Variants in SCYL2 observed in about 807,000 individuals in gnomAD.
SCYL2 encodes the protein SCY1-like protein 2.
SCYL2 carries 36 observed loss-of-function variants against 100.4 expected under a neutral mutation model. The ratio of observed to expected loss-of-function variants is 0.36; its 90% CI spans 0.27 to 0.47. The LOEUF is 0.47. Ranked by LOEUF, SCYL2 falls within the 20% of genes least tolerant of loss-of-function variation. SCYL2 has a pLI of 1.00. For missense variants in SCYL2, 902 were observed against 1,083.9 expected (o/e 0.83, Z 2.36); for synonymous variants, 330 against 359.2 (o/e 0.92, Z 0.92).
At chr12:100,323,036 A>G in intron 10 of SCYL2, among the ~76,000 whole-genome samples, 1 of 151,844 alleles carries the variant, frequency 6.6e-6, no homozygotes, top group East Asian at 1.9e-4. Flanking sequence ...TCAAGAAAAA[A>G]AAAAAAAAAA....
rs1325128705 is a variant in SCYL2 at position 100,340,837 on chromosome 12, T to TA, written c.*1666dup. 1 of 152,098 alleles carries TA rather than the reference T, an allele frequency of 6.6e-6. No individual in the cohort carries two copies. Among genetic ancestry groups the TA allele is most frequent in the African/African-American group, 2.4e-5 (1 of 41,438 alleles). The allele number at this position is 152,098 out of a possible 1,614,324, so 9.4% of individuals were successfully genotyped here. A position where few individuals can be genotyped will look rare whatever the true frequency, so the allele number is the denominator to read the frequency against. ...AGGAAGATCAAATGTTTTTGTCAAATATATTCACAACTTGACCAGATTAGC... is the reference window on the plus strand; with the variant it reads ...AGGAAGATCAAATGTTTTTGTCAAATAATATTCACAACTTGACCAGATTAGC... On this transcript the variant is annotated 3_prime_UTR_variant, in exon 18 of 18. Coordinates refer to ENST00000360820, the MANE Select transcript of SCYL2 (RefSeq NM_017988.6).
At chr12:100,269,830 T>A (rs1394386007) in intron 1 of SCYL2, among the ~76,000 whole-genome samples, 1 of 152,166 alleles carries the variant, frequency 6.6e-6, no homozygotes, top group Non-Finnish European at 1.5e-5. Context: ...CCTTTATAGG[T>A]TCCGATTCCA....
In SCYL2 at chr12:100,341,408, A is replaced by G. The variant is rs578102136; in HGVS notation, c.*2236A>G. On this transcript the variant is annotated 3_prime_UTR_variant, in exon 18 of 18. Transcript: ENST00000360820. The stretch of plus-strand genomic sequence containing the variant: ...TTTAGGTTAAAGAGCATCTGTCAAC[A>G]GAATCTACAAAAAAGATTCCCTTGC... The G allele has an allele frequency of 2.7e-4, 41 of 152,306 alleles. No homozygotes were observed. The South Asian group carries it at 8.3e-3, about 31-fold the overall frequency. The allele number at this position is 152,306 out of a possible 1,614,324, so 9.4% of individuals were successfully genotyped here.
chr12:100,328,139 G>A (rs1381845436), intron 12 of SCYL2, among the ~76,000 whole-genome samples: 1 of 152,084 alleles, frequency 6.6e-6, no homozygotes, highest in East Asian at 1.9e-4. Context: ...TTAGCCAGGT[G>A]TGGTAGCATG....
intron 1 of SCYL2, 78 bp from the exon 2 acceptor site, chr12:100,282,865 C>T (rs775507460): frequency 1.5e-4 from 96 of 650,312 alleles, no homozygotes; most frequent in Non-Finnish European, 2.2e-4. Context: ...AGATCTTACA[C>T]TTTTCAAATT....
intron 4 of SCYL2, among the ~76,000 whole-genome samples, chr12:100,302,228 G>A (rs1172498654): frequency 6.6e-6 from 1 of 152,142 alleles, no homozygotes; most frequent in African/African-American, 2.4e-5. Context: ...GGTTGGGTGG[G>A]GGAGGTGGTG....
chr12:100,330,917 C>G (rs1003205745), intron 13 of SCYL2, among the ~76,000 whole-genome samples: 6 of 151,266 alleles, frequency 4.0e-5, no homozygotes, highest in Non-Finnish European at 8.8e-5. Context: ...CAACCTCCGC[C>G]TTCTTGGTTC....
intron 5 of SCYL2, among the ~76,000 whole-genome samples, chr12:100,311,903 A>G (rs899072733): frequency 5.3e-5 from 8 of 152,216 alleles, no homozygotes. Flanking sequence ...TGTAGTCGTT[A>G]GAGGGCCTGT....
intron 4 of SCYL2, among the ~76,000 whole-genome samples, chr12:100,302,071 T>C (rs1245932427): frequency 6.6e-6 from 1 of 152,164 alleles, no homozygotes; most frequent in Non-Finnish European, 1.5e-5. Context: ...AGGGTCTAGA[T>C]TGGGGCCCTT....
intron 13 of SCYL2, 56 bp from the exon 14 acceptor site, chr12:100,334,110 T>C (rs1952245069): frequency 1.0e-6 from 1 of 993,778 alleles, no homozygotes; most frequent in African/African-American, 1.6e-5. Flanking sequence ...TCTTAATTGA[T>C]TACATTTGCT....
Position 100,338,884 on chromosome 12 carries a change from C to T in SCYL2, c.2502C>T (p.Pro834=). ...PAGAKQTQQR[P]TDMSALNNLF... ...GTGCAAAGCAGACCCAACAAAGACC[C>T]ACAGATATGTCTGCCCTTAATAATC... The change falls in exon 18 of 18, where the codon CCC becomes CCT. Residue 834 remains proline (P), a synonymous_variant. Transcript: ENST00000360820. 1 of 1,614,110 alleles carries T rather than the reference C, an allele frequency of 6.2e-7. No individual in the cohort carries two copies. Among genetic ancestry groups the T allele is most frequent in the Non-Finnish European group, 8.5e-7 (1 of 1,179,990 alleles).
chr12:100,302,487 TA>T (rs2096329069), intron 4 of SCYL2, among the ~76,000 whole-genome samples: 1 of 152,170 alleles, frequency 6.6e-6, no homozygotes, highest in Non-Finnish European at 1.5e-5. Context: ...CTTGTCTGTG[TA>T]GGATTTTATT....
intron 12 of SCYL2, 139 bp downstream of exon 12, chr12:100,326,893 TTTTCTC>T (rs1952137312): frequency 1.5e-6 from 1 of 679,472 alleles, no homozygotes; most frequent in Non-Finnish European, 2.3e-6. Context: ...ATAATATAAC[TTTTCTC>T]TTTAAGTTTA....
chr12:100,308,594 A>G (rs1025119891), intron 4 of SCYL2, among the ~76,000 whole-genome samples: 5 of 152,016 alleles, frequency 3.3e-5, no homozygotes, highest in Middle Eastern at 3.4e-3. Flanking sequence ...TATGTAAAAA[A>G]AACTGCACAT....
rs140577312 is a variant in SCYL2 at position 100,317,320 on chromosome 12, C to T, written c.1273-483C>T. 5.6e-4 allele frequency among the ~76,000 whole-genome samples: 85 copies of T among 152,266 alleles called. 2 individuals carry two copies. The highest frequency in any genetic ancestry group is 2.0e-3 in the African/African-American group (82 of 41,550). ...CTTGGCTGGACTTAACTTCTGGGCT[C>T]AAGCAATTCCCCTGTTTCAGCCGCC... On this transcript the variant is annotated intron_variant, in intron 9 of 17. Transcript: ENST00000360820.
chr12:100,327,708 G>T (rs531757613), intron 12 of SCYL2, among the ~76,000 whole-genome samples: 1 of 151,982 alleles, frequency 6.6e-6, no homozygotes, highest in Non-Finnish European at 1.5e-5. Context: ...TAGAGACAGG[G>T]TTTCATCATC....
intron 17 of SCYL2, 45 bp from the exon 18 acceptor site, chr12:100,338,483 A>C: frequency 7.1e-7 from 1 of 1,406,846 alleles, no homozygotes; most frequent in Admixed American, 2.2e-5. Flanking sequence ...ATTATAAAGT[A>C]ATTTATATTT....
chr12:100,270,493 A>C (rs943281409), intron 1 of SCYL2, among the ~76,000 whole-genome samples: 5 of 152,178 alleles, frequency 3.3e-5, no homozygotes, highest in Non-Finnish European at 7.3e-5. Context: ...TAAAAACTAT[A>C]GTTCACTAAA....
intron 2 of SCYL2, among the ~76,000 whole-genome samples, chr12:100,287,178 A>G (rs988760383): frequency 1.6e-4 from 24 of 152,214 alleles, no homozygotes; most frequent in African/African-American, 5.8e-4. Context: ...ATCGAGACAC[A>G]TTACTATAAA....
Sources: allele counts gnomAD v4.1 joint callset (sites outside exome capture counted in the v4.1 genomes callset), GRCh38; gene constraint gnomAD v4.1.1; transcripts MANE v1.5; gene names NCBI Gene and HGNC (gene_info 2026-07-23, HGNC 2026-07-21).